THBS1: variants seen among roughly 807,000 people sequenced by gnomAD.
The protein encoded by THBS1 is thrombospondin 1.
A neutral mutation model predicts 126.1 loss-of-function variants in THBS1; 29 were observed. That is an observed-to-expected ratio of 0.23 (90% confidence interval 0.17 to 0.31). The LOEUF (loss-of-function observed/expected upper bound fraction) is 0.31, where lower values mean the gene tolerates loss of function less well. THBS1 is among the 10% of genes least tolerant of loss of function. THBS1 has a pLI of 1.00. For missense variants in THBS1, 1,198 were observed against 1,545.2 expected, an observed-to-expected ratio of 0.78 and a Z score of 3.77; for synonymous variants, 496 against 577.8, an observed-to-expected ratio of 0.86 and a Z score of 2.03.
Position 39,591,365 on chromosome 15 carries a change from G to A in THBS1, c.2413+15G>A. ...TGATGGAGACGGTAAGGTGCTGCCT[G>A]ATCAGAGGGCCCGCGGGAGACAGGG... is the stretch of plus-strand genomic sequence containing the variant. On this transcript the variant is annotated intron_variant, in intron 15 of 21. Transcript: ENST00000260356. 1 of 1,607,508 alleles carries A rather than the reference G, an allele frequency of 6.2e-7. No homozygotes were observed. The highest frequency in any genetic ancestry group is 8.5e-7 in the Non-Finnish European group (1 of 1,175,748).
intron 3 of THBS1, among the ~76,000 whole-genome samples, chr15:39,583,281 C>T (rs1374165330): frequency 3.9e-5 from 6 of 152,174 alleles, no homozygotes; most frequent in Non-Finnish European, 7.3e-5. Flanking sequence ...ATCTTTGCAA[C>T]GGTGGCTTTG....
chr15:39,586,193 G>A (rs1420130323), intron 7 of THBS1, among the ~76,000 whole-genome samples: 1 of 152,138 alleles, frequency 6.6e-6, no homozygotes, highest in Non-Finnish European at 1.5e-5. Context: ...GAAGAAAACA[G>A]GAAAACAGCA....
intron 10 of THBS1, 22 bp from the exon 11 acceptor site, chr15:39,588,937 T>C: frequency 6.2e-7 from 1 of 1,614,208 alleles, no homozygotes; most frequent in Non-Finnish European, 8.5e-7. Flanking sequence ...TTACTGTGAC[T>C]GTCTCTCTCT....
Position 39,582,680 on chromosome 15 carries a change from C to T in THBS1, c.555C>T (p.Ser185=), listed in dbSNP as rs45533643. ...CTGAGTTGGACGTCCCCATCCAAAGCGTCTTCACCAGAGACCTGGCCAGCA... is the reference window on the plus strand; with the variant it reads ...CTGAGTTGGACGTCCCCATCCAAAGTGTCTTCACCAGAGACCTGGCCAGCA... ...ENAELDVPIQ[S]VFTRDLASIA... is the part of the protein sequence containing the mutation. Residue 185 remains serine, a synonymous_variant, in exon 3 of 22, where the codon AGC becomes AGT. Coordinates refer to ENST00000260356, the MANE Select transcript of THBS1 (RefSeq NM_003246.4). 930 of 1,613,484 alleles carry T rather than the reference C, an allele frequency of 5.8e-4. No individual in the cohort carries two copies. The highest frequency in any genetic ancestry group is 7.3e-4 in the Non-Finnish European group (857 of 1,180,040).
Position 39,593,446 on chromosome 15 carries a change from C to T in THBS1, c.3045C>T (p.Asn1015=), listed in dbSNP as rs772658454. ...ACTTCAGTGGCACCTTCTTCATCAA[C>T]ACCGAAAGGGACGATGACTATGCTG... is the stretch of plus-strand genomic sequence containing the variant. ...AVDFSGTFFI[N]TERDDDYAGF... Residue 1015 remains asparagine, a synonymous_variant, in exon 19 of 22, where the codon AAC becomes AAT. Transcript: ENST00000260356. The surrounding 1 kb of genome is among the most constrained non-coding windows in gnomAD (Gnocchi z 5.9). The T allele has an allele frequency of 4.3e-6, 7 of 1,614,174 alleles. No homozygotes were observed. Among genetic ancestry groups the T allele is most frequent in the Middle Eastern group, 3.3e-4 (2 of 6,062 alleles).
chr15:39,595,455 G>C lies in THBS1; in HGVS notation c.*86G>C. The C allele has an allele frequency of 6.8e-7, 1 of 1,460,568 alleles. No individual in the cohort carries two copies. Among genetic ancestry groups the C allele is most frequent in the Non-Finnish European group, 9.1e-7 (1 of 1,098,454 alleles). 90.5% of individuals were successfully genotyped at this position (1,460,568 alleles called of 1,614,324 possible). A position where few individuals can be genotyped will look rare whatever the true frequency, so the allele number is the denominator to read the frequency against. On this transcript the variant is annotated 3_prime_UTR_variant, in exon 22 of 22. Transcript: ENST00000260356. ...ACTATGGGCTTGAGAAAACCCCCAG[G>C]ATCACTTCTCCTTGGCTTCCTTCTT...
chr15:39,592,723 C>T lies in THBS1; in HGVS notation c.2688C>T (p.His896=), dbSNP rs111437167. ...DKDGKGDACD[H]DDDNDGIPDD... is the part of the protein sequence containing the mutation. ...ATGGCAAGGGAGATGCCTGTGACCA[C>T]GATGATGACAACGATGGCATTCCTG... The change falls in exon 17 of 22, where the codon CAC becomes CAT. Residue 896 remains histidine (H), a synonymous_variant. Coordinates refer to ENST00000260356, the MANE Select transcript of THBS1 (RefSeq NM_003246.4). This position sits in a 1 kb window ranked among gnomAD's most constrained non-coding sequence, Gnocchi z 4.3. The T allele has an allele frequency of 5.3e-5, 85 of 1,614,148 alleles. No homozygotes were observed. The African/African-American group carries it at 6.9e-4, about 13-fold the overall frequency.
intron 9 of THBS1, 94 bp from the exon 10 acceptor site, chr15:39,588,432 G>C (rs935545477): frequency 1.4e-6 from 2 of 1,431,024 alleles, no homozygotes; most frequent in Non-Finnish European, 9.4e-7. Flanking sequence ...TGTCAGAGAA[G>C]CAGAGGTTTC....
rs199805388 is a variant in THBS1, at chr15:39,587,435, C to A, written c.1209C>A (p.Gly403=). 6.2e-7 allele frequency: 1 copy of A among 1,613,960 alleles called. No homozygotes were observed. Among genetic ancestry groups the A allele is most frequent in the Non-Finnish European group, 8.5e-7 (1 of 1,180,022 alleles). The stretch of plus-strand genomic sequence containing the variant: ...GTGGCAATGGAATTCAGCAGCGCGG[C>A]CGCTCCTGCGATAGCCTCAACAACC... ...TSCGNGIQQR[G]RSCDSLNNRC... Residue 403 remains glycine (G), a synonymous_variant, in exon 8 of 22, where the codon GGC becomes GGA. Coordinates refer to ENST00000260356, the MANE Select transcript of THBS1 (RefSeq NM_003246.4).
chr15:39,589,496 C>T lies in THBS1; in HGVS notation c.1926+142C>T, dbSNP rs1455100182. The stretch of plus-strand genomic sequence containing the variant: ...TGAATGTACGGTCTAGTTTTAGAAA[C>T]GTGATTAGAAAATCCATGGTAAATC... On this transcript the variant is annotated intron_variant, in intron 12 of 21. Coordinates refer to ENST00000260356, the MANE Select transcript of THBS1 (RefSeq NM_003246.4). This position sits in a 1 kb window ranked among gnomAD's most constrained non-coding sequence, Gnocchi z 4.7. 12 of 1,164,794 alleles carry T rather than the reference C, an allele frequency of 1.0e-5. No homozygotes were observed. Among genetic ancestry groups the T allele is most frequent in the Middle Eastern group, 2.9e-4 (1 of 3,402 alleles). 72.2% of individuals were successfully genotyped at this position (1,164,794 alleles called of 1,614,324 possible). A position where few individuals can be genotyped will look rare whatever the true frequency, so the allele number is the denominator to read the frequency against.
chr15:39,589,672 G>A lies in THBS1; in HGVS notation c.1927-133G>A. The A allele has an allele frequency of 9.9e-7, 1 of 1,008,970 alleles. No homozygotes were observed. The highest frequency in any genetic ancestry group is 1.8e-5 in the South Asian group (1 of 55,244). The allele number at this position is 1,008,970 out of a possible 1,614,324, so 62.5% of individuals were successfully genotyped here. On this transcript the variant is annotated intron_variant, in intron 12 of 21. Coordinates refer to ENST00000260356, the MANE Select transcript of THBS1 (RefSeq NM_003246.4). This position sits in a 1 kb window ranked among gnomAD's most constrained non-coding sequence, Gnocchi z 4.7. The stretch of plus-strand genomic sequence containing the variant: ...TTATAGCCTCAGGGAGAATGGGGAG[G>A]GACAGAGGTAACCCACACTCTTCCA...
rs139441587 is a variant in THBS1 at position 39,582,265 on chromosome 15, G to A, written c.140G>A (p.Arg47Gln). The A allele has an allele frequency of 6.2e-6, 10 of 1,613,988 alleles. No individual in the cohort carries two copies. Among genetic ancestry groups the A allele is most frequent in the East Asian group, 2.2e-5 (1 of 44,882 alleles). Residue 47 changes from arginine (R) to glutamine (Q), a missense_variant, in exon 3 of 22, where the codon CGA (arginine) becomes CAA (glutamine). By Grantham distance (43) the Arg-to-Gln change is conservative. Transcript: ENST00000260356. Reference protein sequence around the residue: ...TGAARKGSGRRLVKGPDPSSP... With the variant: ...TGAARKGSGRQLVKGPDPSSP... ...GCCGCCCGCAAGGGGTCTGGGCGCC[G>A]ACTGGTGAAGGGCCCCGACCCTTCC...
chr15:39,587,286 C>T lies in THBS1; in HGVS notation c.1121-61C>T, dbSNP rs563311731. On this transcript the variant is annotated intron_variant, in intron 7 of 21. Coordinates refer to ENST00000260356, the MANE Select transcript of THBS1 (RefSeq NM_003246.4). ...GCAAGTGGAGGGCCCTGAACAGAGC[C>T]CTCTAAAGAACAGCTTGTCCTAATC... 10 of 1,539,878 alleles carry T rather than the reference C, an allele frequency of 6.5e-6. No individual in the cohort carries two copies. The South Asian group carries it at 1.1e-4, about 17-fold the overall frequency.
rs148975320 is a variant in THBS1 at position 39,594,103 on chromosome 15, G to A, written c.3272G>A (p.Arg1091His). ...WHTGNTPGQV[R>H]TLWHDPRHIG... The stretch of plus-strand genomic sequence containing the variant: ...TTCCTTTTCCTTTTCCTTCAGGTGC[G>A]CACCCTGTGGCATGACCCTCGTCAC... Residue 1091 changes from arginine (R) to histidine (H), a missense_variant, in exon 20 of 22, where the codon CGC becomes CAC. This residue lies in a region of THBS1 where 255 missense variants were observed against 373.9 expected (regional missense o/e 0.68). Transcript: ENST00000260356. The surrounding 1 kb of genome is among the most constrained non-coding windows in gnomAD (Gnocchi z 4.4). 1.1e-4 allele frequency: 184 copies of A among 1,613,150 alleles called. No homozygotes were observed. Among genetic ancestry groups the A allele is most frequent in the South Asian group, 2.2e-4 (20 of 90,868 alleles).
Position 39,589,027 on chromosome 15 carries a change from T to C in THBS1, c.1714T>C (p.Cys572Arg), listed in dbSNP as rs1555385139. The C allele has an allele frequency of 6.2e-7, 1 of 1,614,150 alleles. No individual in the cohort carries two copies. The highest frequency in any genetic ancestry group is 1.7e-5 in the Admixed American group (1 of 60,016). Residue 572 changes from cysteine to arginine, a missense_variant, in exon 11 of 22, where the codon TGT becomes CGT. Coordinates refer to ENST00000260356, the MANE Select transcript of THBS1 (RefSeq NM_003246.4). This position sits in a 1 kb window ranked among gnomAD's most constrained non-coding sequence, Gnocchi z 4.7. ...TAGCTACCCTGATGGCAGCTGGAAA[T>C]GTGGTGCTTGTCCCCCTGGTTACAG... is the stretch of plus-strand genomic sequence containing the variant. ...CTSYPDGSWK[C>R]GACPPGYSGN...
In THBS1 at chr15:39,591,222, A is replaced by G; in HGVS notation, c.2285A>G (p.Gln762Arg). The change falls in exon 15 of 22, where the codon CAG becomes CGG. Residue 762 changes from glutamine (Q) to arginine (R), a missense_variant. Physicochemically the swap from Gln to Arg is conservative, Grantham distance 43 (BLOSUM62 1). Around this residue, in one of 4 missense-constraint regions of THBS1, gnomAD observed 663 missense variants for 860.1 expected, o/e 0.77. Transcript: ENST00000260356. Reference sequence around the variant, plus strand: ...TGTCCATTCCATTACAACCCAGCTCAGTATGACTATGACAGAGATGATGTG... The same window carrying G: ...TGTCCATTCCATTACAACCCAGCTCGGTATGACTATGACAGAGATGATGTG... ...DNCPFHYNPA[Q>R]YDYDRDDVGD... 1.2e-6 allele frequency: 2 copies of G among 1,614,212 alleles called. No individual in the cohort carries two copies. Among genetic ancestry groups the G allele is most frequent in the Non-Finnish European group, 1.7e-6 (2 of 1,180,030 alleles).
chr15:39,588,617 C>A lies in THBS1; in HGVS notation c.1563C>A (p.Asn521Lys). ...GVQKRSRLCNNPTPQFGGKDC... is the reference protein window; with the variant it reads ...GVQKRSRLCNKPTPQFGGKDC... ...AGAAACGTAGTCGTCTCTGCAACAA[C>A]CCCACACCCCAGTTTGGAGGCAAGG... The change falls in exon 10 of 22, where the codon AAC becomes AAA. Residue 521 changes from asparagine to lysine, a missense_variant. Transcript: ENST00000260356. 1 of 1,611,580 alleles carries A rather than the reference C, an allele frequency of 6.2e-7. No individual in the cohort carries two copies. The highest frequency in any genetic ancestry group is 8.5e-7 in the Non-Finnish European group (1 of 1,179,026).
Position 39,593,343 on chromosome 15 carries a change from G to A in THBS1, c.2996-54G>A. 3 of 1,613,002 alleles carry A rather than the reference G, an allele frequency of 1.9e-6. No individual in the cohort carries two copies. The highest frequency in any genetic ancestry group is 1.7e-5 in the Admixed American group (1 of 59,912). Reference sequence around the variant, plus strand: ...TGCTGAGGATGTCTAGGAACATGATGGAGAACCTTCTGAAGGCTGCAGGTT... The same window carrying A: ...TGCTGAGGATGTCTAGGAACATGATAGAGAACCTTCTGAAGGCTGCAGGTT... On this transcript the variant is annotated intron_variant, in intron 18 of 21. Coordinates refer to ENST00000260356, the MANE Select transcript of THBS1 (RefSeq NM_003246.4). The surrounding 1 kb of genome is among the most constrained non-coding windows in gnomAD (Gnocchi z 5.9).
At position 39,584,083 on chromosome 15, in the gene THBS1, C is replaced by G. The variant is rs1242285745; in HGVS notation, c.799C>G (p.Gln267Glu). Residue 267 changes from glutamine (Q) to glutamate (E), a missense_variant, in exon 5 of 22, where the codon CAA becomes GAA. Transcript: ENST00000260356. ...NYIGHKTKDLQAICGISCDEL... is the reference protein window; with the variant it reads ...NYIGHKTKDLEAICGISCDEL... ...CATTGGCCACAAGACAAAGGACTTG[C>G]AAGCCATCTGCGGCATCTCCTGTGA... 2 of 1,614,096 alleles carry G rather than the reference C, an allele frequency of 1.2e-6. No individual in the cohort carries two copies. Among genetic ancestry groups the G allele is most frequent in the African/African-American group, 2.7e-5 (2 of 74,920 alleles).
Sources: gnomAD v4.1 joint callset for allele counts (sites outside exome capture counted in the v4.1 genomes callset) on GRCh38, gnomAD v4.1.1 for gene constraint, gnomAD v4.1.1 regional missense constraint, Gnocchi (gnomAD v3.1) non-coding constraint, MANE v1.5 for transcripts, NCBI Gene and HGNC (gene_info 2026-07-23, HGNC 2026-07-21) for gene names.